Variants in SNCAIP observed in about 807,000 individuals in gnomAD.
SNCAIP encodes the protein synuclein alpha interacting protein, also known as synphilin-1.
SNCAIP carries 43 observed loss-of-function variants against 86.7 expected under a neutral mutation model. The ratio of observed to expected loss-of-function variants is 0.50; its 90% confidence interval spans 0.39 to 0.64. The LOEUF (loss-of-function observed/expected upper bound fraction) is 0.64, where lower values mean the gene tolerates loss of function less well. Ranked by LOEUF, SNCAIP falls within the 30% of genes least tolerant of loss-of-function variation. The pLI is 0.00. For missense variants in SNCAIP, 981 were observed against 1,103.1 expected, an observed-to-expected ratio of 0.89 and a Z score of 1.57; for synonymous variants, 417 against 427.2, an observed-to-expected ratio of 0.98 and a Z score of 0.29.
At chr5:122,364,404 T>TG (rs1489600952) in intron 1 of SNCAIP, among the ~76,000 whole-genome samples, 1 of 152,224 alleles carries the variant, frequency 6.6e-6, no homozygotes, top group Non-Finnish European at 1.5e-5. Context: ...AACCCTCTCT[T>TG]GGGGTCTGGA....
chr5:122,425,170 A>G (rs1307377113), intron 4 of SNCAIP, among the ~76,000 whole-genome samples, 182 bp from the exon 5 acceptor site: 1 of 152,176 alleles, frequency 6.6e-6, no homozygotes, highest in African/African-American at 2.4e-5. Flanking sequence ...TCTCTCGAGA[A>G]CTCATTTTCT....
At chr5:122,373,269 G>A (rs1229495837) in intron 1 of SNCAIP, among the ~76,000 whole-genome samples, 1 of 152,004 alleles carries the variant, frequency 6.6e-6, no homozygotes, top group Non-Finnish European at 1.5e-5. Flanking sequence ...TCAAGTCCCT[G>A]GAGATGACAA....
intron 1 of SNCAIP, chr5:122,389,754 C>CAAGAAAG (rs1274401445): frequency 2.0e-5 from 3 of 152,098 alleles, no homozygotes; most frequent in Non-Finnish European, 2.9e-5. Context: ...AAGTAACATC[C>CAAGAAAG]TAATCCTTTC....
chr5:122,412,889 A>G lies in SNCAIP; in HGVS notation c.130+9024A>G, dbSNP rs1184441227. ...TTGCTTTCCCTGATGTCCCACATCA[A>G]TTCATCACCAGGTCTTGAGTCTCTG... On this transcript the variant is annotated intron_variant, in intron 3 of 10. Coordinates refer to ENST00000261368, the MANE Select transcript of SNCAIP (RefSeq NM_005460.4). Among the ~76,000 whole-genome samples the G allele has an allele frequency of 9.9e-5, 15 of 152,224 alleles. 1 individual carries two copies. Among genetic ancestry groups the G allele is most frequent in the Admixed American group, 9.2e-4 (14 of 15,282 alleles).
At chr5:122,320,994 C>T (rs998532408) in intron 1 of SNCAIP, among the ~76,000 whole-genome samples, 4 of 152,102 alleles carry the variant, frequency 2.6e-5, no homozygotes, top group South Asian at 2.1e-4. Context: ...ATAGGCATTT[C>T]CCCCACTCAC....
At chr5:122,403,376 A>G (rs938489014) in intron 2 of SNCAIP, among the ~76,000 whole-genome samples, 1 of 152,188 alleles carries the variant, frequency 6.6e-6, no homozygotes, top group Non-Finnish European at 1.5e-5. Context: ...CGGATGCTGC[A>G]GGAAGCCAGG....
intron 1 of SNCAIP, among the ~76,000 whole-genome samples, chr5:122,346,231 G>A (rs1018465619): frequency 1.3e-5 from 2 of 152,110 alleles, no homozygotes; most frequent in East Asian, 1.9e-4. Flanking sequence ...CAGCCAGGCC[G>A]TAGCCACAGA....
chr5:122,355,522 A>G (rs1299982951), intron 1 of SNCAIP, among the ~76,000 whole-genome samples: 1 of 152,120 alleles, frequency 6.6e-6, no homozygotes, highest in East Asian at 1.9e-4. Flanking sequence ...TGCCCATAAA[A>G]TCCACCTTCC....
intron 1 of SNCAIP, among the ~76,000 whole-genome samples, chr5:122,349,905 AC>A (rs1271795010): frequency 1.1e-4 from 17 of 152,286 alleles, no homozygotes; most frequent in African/African-American, 3.8e-4. Context: ...AAGTCTGAAG[AC>A]CACCTCTGGA....
chr5:122,405,670 T>C (rs1772821907), intron 3 of SNCAIP, among the ~76,000 whole-genome samples: 1 of 152,226 alleles, frequency 6.6e-6, no homozygotes. Context: ...CTGGTAATAA[T>C]TTACTTTTAA....
intron 1 of SNCAIP, among the ~76,000 whole-genome samples, chr5:122,355,202 A>G (rs908227406): frequency 5.3e-5 from 8 of 152,212 alleles, no homozygotes; most frequent in African/African-American, 1.7e-4. Context: ...TAGGTATAAA[A>G]CAATGTTTCA....
chr5:122,447,963 GAT>G (rs763608349), intron 8 of SNCAIP, among the ~76,000 whole-genome samples: 1 of 152,206 alleles, frequency 6.6e-6, no homozygotes, highest in Non-Finnish European at 1.5e-5. Flanking sequence ...GAATGAGTGA[GAT>G]AAAATGAGAT....
chr5:122,449,365 C>G (rs551232111), intron 8 of SNCAIP, among the ~76,000 whole-genome samples: 1 of 152,244 alleles, frequency 6.6e-6, no homozygotes, highest in Non-Finnish European at 1.5e-5. Context: ...TGAAAAATCA[C>G]AAGTTATAGT....
At chr5:122,386,031 A>G (rs1313379816) in intron 1 of SNCAIP, among the ~76,000 whole-genome samples, 1 of 152,210 alleles carries the variant, frequency 6.6e-6, no homozygotes, top group African/African-American at 2.4e-5. Context: ...ATGTGACTGT[A>G]GTCACAAATC....
rs758332598 is a variant in SNCAIP, at chr5:122,401,241, A to C, written c.58-2552A>C. The C allele has an allele frequency of 3.0e-6, 3 of 1,002,924 alleles. No homozygotes were observed. In the African/African-American group the frequency reaches 5.0e-5, roughly 17 times the overall value. 62.1% of individuals were successfully genotyped at this position (1,002,924 alleles called of 1,614,324 possible). On this transcript the variant is annotated intron_variant, in intron 2 of 10. Transcript: ENST00000261368. The stretch of plus-strand genomic sequence containing the variant: ...AGATGGTAGCACAATGCATACTTGT[A>C]AGGGAGACTTCTTGGATCATTTGCT...
At chr5:122,350,680 A>G (rs1759593040) in intron 1 of SNCAIP, among the ~76,000 whole-genome samples, 1 of 152,182 alleles carries the variant, frequency 6.6e-6, no homozygotes, top group African/African-American at 2.4e-5. Flanking sequence ...TTATATGGGC[A>G]TGAAGCCTGG....
intron 8 of SNCAIP, among the ~76,000 whole-genome samples, chr5:122,449,394 T>A (rs1783226687): frequency 6.6e-6 from 1 of 152,200 alleles, no homozygotes; most frequent in Non-Finnish European, 1.5e-5. Flanking sequence ...GATTGTATGC[T>A]GCAAATAGTA....
chr5:122,395,753 A>G (rs539766166), intron 2 of SNCAIP, among the ~76,000 whole-genome samples: 19 of 152,254 alleles, frequency 1.2e-4, no homozygotes, highest in African/African-American at 4.6e-4. Flanking sequence ...AGAAAGACTC[A>G]TTTCAAGTAG....
In SNCAIP at chr5:122,377,506, G is replaced by A. The variant is rs577362882; in HGVS notation, c.-46-13583G>A. On this transcript the variant is annotated intron_variant, in intron 1 of 10. Coordinates refer to ENST00000261368, the MANE Select transcript of SNCAIP (RefSeq NM_005460.4). ...AGAGGGAGACAGACAGAGAGAGAGAGAGAGAGAGAGAGAGAAAGAAAGAAA... is the reference window on the plus strand; with the variant it reads ...AGAGGGAGACAGACAGAGAGAGAGAAAGAGAGAGAGAGAGAAAGAAAGAAA... Among the ~76,000 whole-genome samples the A allele has an allele frequency of 4.2e-3, 639 of 152,042 alleles. 1 individual carries two copies. The highest frequency in any genetic ancestry group is 0.027 in the Middle Eastern group (8 of 294).
Sources: allele counts gnomAD v4.1 joint callset (sites outside exome capture counted in the v4.1 genomes callset), GRCh38; gene constraint gnomAD v4.1.1; transcripts MANE v1.5; gene names NCBI Gene and HGNC (gene_info 2026-07-23, HGNC 2026-07-21).